The following CYRIB variants were observed in gnomAD, a reference collection of about 807,000 sequenced individuals.
The protein encoded by CYRIB is CYFIP related Rac1 interactor B.
CYRIB carries 8 observed loss-of-function variants against 44.2 expected under a neutral mutation model. The observed-to-expected ratio is 0.18, with a 90% CI of 0.11 to 0.33. The LOEUF (loss-of-function observed/expected upper bound fraction) is 0.33. CYRIB is among the 10% of genes least tolerant of loss of function. The pLI, the probability that CYRIB is intolerant of heterozygous loss-of-function variation, is 1.00. For synonymous variants in CYRIB, 131 were observed against 127.2 expected (o/e 1.03, Z -0.20); for missense variants, 185 against 382.8 (o/e 0.48, Z 4.31).
chr8:129,933,600 G>T (rs2092153186), intron 1 of CYRIB, among the ~76,000 whole-genome samples: 1 of 152,166 alleles, frequency 6.6e-6, no homozygotes, highest in Admixed American at 6.5e-5. Context: ...GATAAGCCGG[G>T]TGCGGTGGCT....
intron 1 of CYRIB, among the ~76,000 whole-genome samples, chr8:130,006,414 G>A (rs1026292669): frequency 6.7e-6 from 1 of 149,220 alleles, no homozygotes; most frequent in Non-Finnish European, 1.5e-5. Context: ...CCAGGAGAGT[G>A]AGTCCAGCTT....
intron 1 of CYRIB, among the ~76,000 whole-genome samples, chr8:130,006,651 C>CATATATATGTGT (rs2097103001): frequency 1.0e-5 from 1 of 100,102 alleles, no homozygotes; most frequent in African/African-American, 3.8e-5. Flanking sequence ...TATATATATA[C>CATATATATGTGT]ATATATATAT....
chr8:129,957,843 T>C (rs550356450), intron 2 of CYRIB, among the ~76,000 whole-genome samples: 104 of 151,228 alleles, frequency 6.9e-4, no homozygotes, highest in Middle Eastern at 6.8e-3. Context: ...CGGGTGCCTA[T>C]AGTCCCAGCT....
intron 2 of CYRIB, chr8:129,896,896 G>C (rs775055198): frequency 1.3e-5 from 2 of 152,226 alleles, no homozygotes; most frequent in Non-Finnish European, 2.9e-5. Context: ...GCATATAGAA[G>C]TAAAGTGTCA....
intron 4 of CYRIB, among the ~76,000 whole-genome samples, chr8:129,868,293 G>C (rs188056793): frequency 6.6e-6 from 1 of 151,988 alleles, no homozygotes; most frequent in African/African-American, 2.4e-5. Context: ...ATTTGTCCCC[G>C]ATCTACAGTA....
At chr8:129,997,986 T>C (rs1007399215) in intron 1 of CYRIB, among the ~76,000 whole-genome samples, 1 of 151,798 alleles carries the variant, frequency 6.6e-6, no homozygotes, top group African/African-American at 2.4e-5. Flanking sequence ...CTGGGCGTGA[T>C]AGTGCACGCC....
intron 4 of CYRIB, among the ~76,000 whole-genome samples, chr8:129,869,809 A>G (rs935103461): frequency 2.0e-5 from 3 of 152,156 alleles, no homozygotes; most frequent in East Asian, 3.9e-4. Context: ...AACAAAATAT[A>G]TAAGAAACCA....
At chr8:129,985,270 C>T (rs1268873531) in intron 1 of CYRIB, among the ~76,000 whole-genome samples, 1 of 152,318 alleles carries the variant, frequency 6.6e-6, no homozygotes, top group African/African-American at 2.4e-5. Flanking sequence ...GGCACCACAG[C>T]GGCTGGCAGC....
At chr8:129,856,046 C>A (rs2046055980) in intron 5 of CYRIB, among the ~76,000 whole-genome samples, 1 of 152,168 alleles carries the variant, frequency 6.6e-6, no homozygotes, top group South Asian at 2.1e-4. Flanking sequence ...CACCAAAGGG[C>A]AAGTTTTATA....
At chr8:129,989,922 G>A (rs1037101693) in intron 1 of CYRIB, among the ~76,000 whole-genome samples, 4 of 151,378 alleles carry the variant, frequency 2.6e-5, no homozygotes, top group Admixed American at 6.6e-5. Context: ...GCGATAGTTT[G>A]CTGAGAATGA....
chr8:129,904,219 G>C (rs952072519), intron 1 of CYRIB, among the ~76,000 whole-genome samples: 4 of 152,064 alleles, frequency 2.6e-5, no homozygotes, highest in Non-Finnish European at 4.4e-5. Context: ...CTCTAGCTGA[G>C]GTACCTCCTC....
chr8:129,877,506 G>A (rs1485579194), intron 3 of CYRIB, among the ~76,000 whole-genome samples: 1 of 151,996 alleles, frequency 6.6e-6, no homozygotes, highest in East Asian at 1.9e-4. Flanking sequence ...AAAATTAGCT[G>A]GGCTTGGTGG....
chr8:129,896,439 G>A (rs973245351), intron 2 of CYRIB, among the ~76,000 whole-genome samples: 1 of 152,144 alleles, frequency 6.6e-6, no homozygotes, highest in African/African-American at 2.4e-5. Flanking sequence ...ATTAAAGCTG[G>A]CCTGGACAGC....
chr8:130,006,594 T>TTATATATATATATATATATATG, intron 1 of CYRIB, among the ~76,000 whole-genome samples: 2 of 15,322 alleles, frequency 1.3e-4, no homozygotes, highest in African/African-American at 8.2e-4. Flanking sequence ...AAAACACAAA[T>TTATATATATATATATATATATG]TATATATATA....
rs539673517 is a variant in CYRIB, at chr8:129,996,910, A to C, written c.-296+19460T>G. On this transcript the variant is annotated intron_variant, in intron 1 of 14. Coordinates refer to the CYRIB transcript ENST00000401979. ...AGGAACTCACTTATTCATTAAACAA[A>C]TATTTACTGAACACCTAGAGTATGT... is the stretch of plus-strand genomic sequence containing the variant. Among the ~76,000 whole-genome samples the C allele has an allele frequency of 9.9e-5, 15 of 152,278 alleles. No homozygotes were observed. The East Asian group carries it at 2.3e-3, about 24-fold the overall frequency.
chr8:129,889,860 A>C (rs1363402776), intron 2 of CYRIB, among the ~76,000 whole-genome samples: 1 of 150,168 alleles, frequency 6.7e-6, no homozygotes, highest in Non-Finnish European at 1.5e-5. Context: ...CTGCAACCTC[A>C]GCTCTCGGGT....
chr8:129,864,629 G>A (rs1467611190), intron 4 of CYRIB: 1 of 199,348 alleles, frequency 5.0e-6, no homozygotes, highest in Non-Finnish European at 1.0e-5. Flanking sequence ...GGCCACACAA[G>A]GTTATGTCAT....
chr8:129,845,400 A>G (rs2039321197), intron 11 of CYRIB, among the ~76,000 whole-genome samples: 1 of 152,242 alleles, frequency 6.6e-6, no homozygotes. Context: ...AAGACTCATG[A>G]TATCATTAAA....
intron 5 of CYRIB, among the ~76,000 whole-genome samples, chr8:129,862,023 T>C (rs987211390): frequency 9.2e-5 from 14 of 152,162 alleles, no homozygotes; most frequent in Admixed American, 5.2e-4. Context: ...GGAAAATAAC[T>C]TGTGGACAAA....
Sources: gnomAD v4.1 joint callset for allele counts (sites outside exome capture counted in the v4.1 genomes callset) on GRCh38, gnomAD v4.1.1 for gene constraint, MANE v1.5 for transcripts, NCBI Gene and HGNC (gene_info 2026-07-23, HGNC 2026-07-21) for gene names.